Variants in PRC1 observed in about 807,000 individuals in gnomAD.
PRC1 encodes the protein protein regulator of cytokinesis 1, also known as anaphase spindle elongation 1 homolog.
PRC1 carries 54 observed loss-of-function variants against 91.2 expected under a neutral mutation model. The ratio of observed to expected loss-of-function variants is 0.59; its 90% CI spans 0.48 to 0.74. The LOEUF (loss-of-function observed/expected upper bound fraction) is 0.74, where lower values mean the gene tolerates loss of function less well. PRC1 is among the 30% of genes least tolerant of loss of function. PRC1 has a pLI of 0.00. For synonymous variants in PRC1, 275 were observed against 263.6 expected (o/e 1.04, Z -0.42); for missense variants, 727 against 746.2 (o/e 0.97, Z 0.30).
In PRC1 at chr15:90,981,853, GCA is replaced by G; in HGVS notation, c.394_395del (p.Cys132ArgfsTer9). 2 of 1,614,174 alleles carry G rather than the reference GCA, an allele frequency of 1.2e-6. No homozygotes were observed. The highest frequency in any genetic ancestry group is 1.1e-5 in the South Asian group (1 of 91,084). ...KLLQEQDQELCEILCMPHYDI... is the reference protein window; with the variant it reads ...KLLQEQDQELXEILCMPHYDI... ...CATAGTGGGGCATACAAAGAATTTC[GCA>G]CAGTTCTTGATCTTGCTCTTGAAGT... is the stretch of plus-strand genomic sequence containing the variant. On this transcript the variant is annotated frameshift_variant, in exon 4 of 15. Coordinates refer to ENST00000394249, the MANE Select transcript of PRC1 (RefSeq NM_003981.4). LOFTEE classifies it high-confidence loss of function.
intron 11 of PRC1, chr15:90,973,932 C>T: frequency 1.9e-6 from 1 of 523,206 alleles, no homozygotes; most frequent in Non-Finnish European, 3.4e-6. Context: ...GGTGCTGGTG[C>T]AGGTCCTCTG....
Position 90,970,434 on chromosome 15 carries a change from G to A in PRC1, c.1542C>T (p.Pro514=), listed in dbSNP as rs1010093046. Residue 514 remains proline (P), a synonymous_variant, in exon 12 of 15, where the codon CCC becomes CCT. Transcript: ENST00000394249. The part of the protein sequence containing the change: ...PIFGGTVYHS[P]VSRLPPSGSK... ...TGCCAGAAGGAGGAAGTCGAGACAC[G>A]GGGGAGTGGTAGACTGTCCCTCCAA... 20 of 1,611,972 alleles carry A rather than the reference G, an allele frequency of 1.2e-5. No homozygotes were observed. Among genetic ancestry groups the A allele is most frequent in the African/African-American group, 5.3e-5 (4 of 74,878 alleles).
intron 3 of PRC1, chr15:90,983,768 G>A: frequency 3.0e-6 from 1 of 330,466 alleles, no homozygotes; most frequent in East Asian, 5.3e-5. Flanking sequence ...TCCCTACAAA[G>A]CAAAACTATG....
intron 7 of PRC1, 31 bp from the exon 8 acceptor site, chr15:90,979,325 A>G (rs1486375011): frequency 6.3e-7 from 1 of 1,590,696 alleles, no homozygotes; most frequent in East Asian, 2.2e-5. Flanking sequence ...AGTTTAAAAC[A>G]ATTCCTCTAG....
rs763129609 is a variant in PRC1, at chr15:90,969,609, G to A, written c.1587C>T (p.Ser529=). The A allele has an allele frequency of 2.5e-6, 4 of 1,598,798 alleles. No individual in the cohort carries two copies. In the South Asian group the frequency reaches 4.4e-5, roughly 18 times the overall value. ...GGGGTGTTTTCTTCCCTGAACAGGTGGAAGCAGCGACTGGCTGCAGAGAAA... is the reference window on the plus strand; with the variant it reads ...GGGGTGTTTTCTTCCCTGAACAGGTAGAAGCAGCGACTGGCTGCAGAGAAA... ...PPSGSKPVAA[S]TCSGKKTPRT... is the part of the protein sequence containing the mutation. Residue 529 remains serine, a synonymous_variant, in exon 13 of 15, where the codon TCC becomes TCT. Transcript: ENST00000394249.
intron 1 of PRC1, among the ~76,000 whole-genome samples, chr15:90,986,860 C>T (rs1267209310): frequency 6.8e-6 from 1 of 146,072 alleles, no homozygotes; most frequent in East Asian, 2.0e-4. Flanking sequence ...GTAAAATAAA[C>T]AACTAAAAAA....
At chr15:90,969,197 C>T (rs2037825922) in intron 13 of PRC1, 77 bp from the exon 14 acceptor site, 1 of 1,468,418 alleles carries the variant, frequency 6.8e-7, no homozygotes, top group Non-Finnish European at 9.5e-7. Flanking sequence ...GGGTTGCCTC[C>T]TGCAGCCAGG....
At chr15:90,976,406 C>G (rs2038703655) in intron 9 of PRC1, among the ~76,000 whole-genome samples, 1 of 151,288 alleles carries the variant, frequency 6.6e-6, no homozygotes, top group Non-Finnish European at 1.5e-5. Flanking sequence ...GTCTTGAACT[C>G]CTGACCTCGC....
intron 11 of PRC1, among the ~76,000 whole-genome samples, chr15:90,972,698 A>AT (rs1244147732): frequency 6.6e-6 from 1 of 151,796 alleles, no homozygotes; most frequent in Non-Finnish European, 1.5e-5. Flanking sequence ...GAGATCACCC[A>AT]TTGCACTCCA....
chr15:90,969,940 T>C (rs1175672451), intron 12 of PRC1, among the ~76,000 whole-genome samples: 1 of 152,022 alleles, frequency 6.6e-6, no homozygotes, highest in Non-Finnish European at 1.5e-5. Flanking sequence ...TTTTTAAATA[T>C]GAATTCTTGA....
intron 5 of PRC1, 81 bp from the exon 6 acceptor site, chr15:90,981,114 C>T: frequency 1.3e-6 from 2 of 1,566,838 alleles, no homozygotes; most frequent in East Asian, 2.2e-5. Flanking sequence ...AAAGAAATGT[C>T]TGGAGTAGAG....
At position 90,967,201 on chromosome 15, in the gene PRC1, C is replaced by T. The variant is rs146881444; in HGVS notation, c.1793G>A (p.Arg598Gln). Residue 598 changes from arginine (R) to glutamine (Q), a missense_variant and splice_region_variant, in exon 15 of 15, where the codon CGA becomes CAA. Coordinates refer to ENST00000394249, the MANE Select transcript of PRC1 (RefSeq NM_003981.4). ...AGATTTGGAAGCCTTTGAAAGTTCT[C>T]GCTGTTGAAAAATAAATAACATCAG... ...LSDSSTVGLQ[R>Q]ELSKASKSDA... 24 of 1,613,178 alleles carry T rather than the reference C, an allele frequency of 1.5e-5. No individual in the cohort carries two copies. Among genetic ancestry groups the T allele is most frequent in the African/African-American group, 9.3e-5 (7 of 74,904 alleles).
intron 1 of PRC1, among the ~76,000 whole-genome samples, chr15:90,987,023 T>C (rs931717956): frequency 2.7e-5 from 4 of 150,368 alleles, no homozygotes; most frequent in Non-Finnish European, 5.9e-5. Flanking sequence ...CCTGTATTCC[T>C]AGCACCTTGC....
At chr15:90,990,407 T>A (rs1355677065) in intron 1 of PRC1, among the ~76,000 whole-genome samples, 2 of 138,650 alleles carry the variant, frequency 1.4e-5, no homozygotes, top group South Asian at 2.3e-4. Context: ...TTTTTTTTTT[T>A]AAGAGGTAGA....
intron 1 of PRC1, among the ~76,000 whole-genome samples, chr15:90,990,885 T>C (rs534812047): frequency 6.6e-6 from 1 of 151,870 alleles, no homozygotes; most frequent in East Asian, 2.0e-4. Flanking sequence ...ATCAAGCGAT[T>C]CTCCTGCCTC....
chr15:90,970,996 A>G (rs1319178763), intron 11 of PRC1, among the ~76,000 whole-genome samples: 1 of 152,092 alleles, frequency 6.6e-6, no homozygotes, highest in African/African-American at 2.4e-5. Flanking sequence ...ACATACAGCA[A>G]CAGAGATGAA....
Position 90,968,021 on chromosome 15 carries a change from T to C in PRC1, c.1792-819A>G, listed in dbSNP as rs370370591. On this transcript the variant is annotated intron_variant, in intron 14 of 14. Coordinates refer to ENST00000394249, the MANE Select transcript of PRC1 (RefSeq NM_003981.4). ...TGGTAGAGCAGCAAAAGATAAAGCA[T>C]GAATGGCTATTGAGAAAGACAGATA... 9 of 985,176 alleles carry C rather than the reference T, an allele frequency of 9.1e-6. No homozygotes were observed. The East Asian group carries it at 5.7e-4, about 62-fold the overall frequency. The allele number at this position is 985,176 out of a possible 1,614,324, so 61.0% of individuals were successfully genotyped here. A position where few individuals can be genotyped will look rare whatever the true frequency, so the allele number is the denominator to read the frequency against.
At chr15:90,972,185 CAAAA>C (rs79751458) in intron 11 of PRC1, among the ~76,000 whole-genome samples, 3 of 58,624 alleles carry the variant, frequency 5.1e-5, no homozygotes, top group African/African-American at 1.7e-4. Context: ...TACTGAAACT[CAAAA>C]AAAAAAAAAA....
chr15:90,980,608 C>T (rs1251000841), intron 6 of PRC1: 3 of 690,012 alleles, frequency 4.3e-6, no homozygotes, highest in African/African-American at 1.8e-5. Context: ...AACCCTCCAC[C>T]TCCCAGGCTC....
Sources: gnomAD v4.1 joint callset for allele counts (sites outside exome capture counted in the v4.1 genomes callset) on GRCh38, gnomAD v4.1.1 for gene constraint, MANE v1.5 for transcripts, NCBI Gene and HGNC (gene_info 2026-07-23, HGNC 2026-07-21) for gene names.